Variants in MYH3 observed in about 807,000 individuals in gnomAD.
MYH3 encodes the protein myosin-3.
MYH3 carries 130 observed loss-of-function variants against 238.0 expected under a neutral mutation model. The observed-to-expected ratio is 0.55, with a 90% CI of 0.47 to 0.63. The LOEUF is 0.63. MYH3 is among the 30% of genes least tolerant of loss of function. The pLI, the probability that MYH3 is intolerant of heterozygous loss-of-function variation, is 0.00. For synonymous variants in MYH3, 880 were observed against 924.1 expected (o/e 0.95, Z 0.86); for missense variants, 1,853 against 2,374.9 (o/e 0.78, Z 4.57).
the MYH3 span, among the ~76,000 whole-genome samples, chr17:10,665,944 G>A: frequency 6.6e-6 from 1 of 152,174 alleles, no homozygotes; most frequent in African/African-American, 2.4e-5. Flanking sequence ...AGTCCAGAAG[G>A]AGGCCCGGAT....
In MYH3 at chr17:10,644,357, G is replaced by T. The variant is rs2074300278; in HGVS notation, c.1404C>A (p.Ile468=). The change falls in exon 14 of 41, where the codon ATC becomes ATA. Residue 468 remains isoleucine, a synonymous_variant. Transcript: ENST00000583535. ...GAATATAAGTAACACAAACCTCAAA[G>T]ATTTCAAAGCCTGCAATGTCCAAAA... ...IGVLDIAGFE[I]FEYNSLEQLC... is the part of the protein sequence containing the mutation. The T allele has an allele frequency of 1.2e-6, 2 of 1,613,982 alleles. No homozygotes were observed. Among genetic ancestry groups the T allele is most frequent in the Non-Finnish European group, 8.5e-7 (1 of 1,179,886 alleles).
chr17:10,657,546 G>A (rs1172526950), upstream of MYH3, among the ~76,000 whole-genome samples: 2 of 152,298 alleles, frequency 1.3e-5, no homozygotes. Flanking sequence ...CTTGGGGCCG[G>A]TGCTCCCTCC....
the MYH3 span, among the ~76,000 whole-genome samples, chr17:10,671,137 G>T: frequency 1.3e-5 from 2 of 152,160 alleles, no homozygotes; most frequent in Admixed American, 6.5e-5. Flanking sequence ...CAGGTGATCC[G>T]CCCGCCTTGG....
At chr17:10,664,412 A>C in the MYH3 span, among the ~76,000 whole-genome samples, 1 of 152,196 alleles carries the variant, frequency 6.6e-6, no homozygotes, top group Non-Finnish European at 1.5e-5. Flanking sequence ...GTTTGATGTC[A>C]GAGCCTTGCA....
At position 10,630,294 on chromosome 17, in the gene MYH3, C is replaced by T. The variant is rs759849430; in HGVS notation, c.5451G>A (p.Glu1817=). Residue 1817 remains glutamate, a synonymous_variant, in exon 37 of 41, where the codon GAG becomes GAA. Coordinates refer to ENST00000583535, the MANE Select transcript of MYH3 (RefSeq NM_002470.4). Reference sequence around the variant, plus strand: ...GGGTTCCTCCTGCACACACCCTGGTCTCCAGTTTCTGGATCTGCTTCTTCC... The same window carrying T: ...GGGTTCCTCCTGCACACACCCTGGTTTCCAGTTTCTGGATCTGCTTCTTCC... The part of the protein sequence containing the change: ...KGGKKQIQKL[E]TRIRELEFEL... The T allele has an allele frequency of 1.2e-6, 2 of 1,614,186 alleles. No homozygotes were observed. The highest frequency in any genetic ancestry group is 1.7e-6 in the Non-Finnish European group (2 of 1,180,042).
chr17:10,640,681 C>T lies in MYH3; in HGVS notation c.2171G>A (p.Arg724Gln). Residue 724 changes from arginine (R) to glutamine (Q), a missense_variant, in exon 20 of 41, where the codon CGA becomes CAA. By Grantham distance (43) the Arg-to-Gln change is conservative. Coordinates refer to ENST00000583535, the MANE Select transcript of MYH3 (RefSeq NM_002470.4). ...ILYGDFKQRY[R>Q]VLNASAIPEG... ...AGGGATTGCACTGGCATTCAGCACT[C>T]GGTATCTGCATTGTAGACATGGAAA... is the stretch of plus-strand genomic sequence containing the variant. The T allele has an allele frequency of 3.1e-6, 5 of 1,614,066 alleles. No homozygotes were observed. Among genetic ancestry groups the T allele is most frequent in the Non-Finnish European group, 3.4e-6 (4 of 1,179,984 alleles).
rs201488879 is a variant in MYH3 at position 10,632,622 on chromosome 17, C to T, written c.4810G>A (p.Ala1604Thr). 222 of 1,614,020 alleles carry T rather than the reference C, an allele frequency of 1.4e-4. No individual in the cohort carries two copies. Among genetic ancestry groups the T allele is most frequent in the Non-Finnish European group, 1.8e-4 (214 of 1,180,042 alleles). ...TVETMQSALDAEVRSRNEAIR... is the reference protein window; with the variant it reads ...TVETMQSALDTEVRSRNEAIR... ...GCTTCATTCCTGCTCCGCACCTCGG[C>T]GTCCAGGGCGCTCTGCATGGTTTCC... Residue 1604 changes from alanine (A) to threonine (T), a missense_variant, in exon 34 of 41, where the codon GCC becomes ACC. Transcript: ENST00000583535.
In MYH3 at chr17:10,645,807, T is replaced by A; in HGVS notation, c.1041A>T (p.Lys347Asn). ...IDILGFTPEE[K>N]SGLYKLTGAV... ...CTCCCGTCAGCTTGTAGAGCCCAGA[T>A]TTCTCTTCTGGGGTGAAGCCCAGGA... The change falls in exon 12 of 41, where the codon AAA (lysine) becomes AAT (asparagine). Residue 347 changes from lysine to asparagine, a missense_variant. Transcript: ENST00000583535. 6.2e-7 allele frequency: 1 copy of A among 1,613,802 alleles called. No homozygotes were observed. Among genetic ancestry groups the A allele is most frequent in the Non-Finnish European group, 8.5e-7 (1 of 1,179,970 alleles).
At chr17:10,633,073 A>T (rs1779505562) in intron 33 of MYH3, among the ~76,000 whole-genome samples, 1 of 152,082 alleles carries the variant, frequency 6.6e-6, no homozygotes, top group African/African-American at 2.4e-5. Flanking sequence ...TTAGCCAGGC[A>T]TGGTGGTGCC....
intron 2 of MYH3, among the ~76,000 whole-genome samples, chr17:10,655,520 A>G (rs1446627885): frequency 2.0e-5 from 3 of 152,206 alleles, no homozygotes; most frequent in Middle Eastern, 6.3e-3. Context: ...AACCATTTCA[A>G]TCAAGGTGGC....
intron 17 of MYH3, 98 bp from the exon 18 acceptor site, chr17:10,641,470 C>A (rs1597487329): frequency 4.8e-6 from 4 of 833,712 alleles, no homozygotes; most frequent in South Asian, 2.8e-5. Flanking sequence ...TAAAATTTAT[C>A]ATAAGTTCTA....
chr17:10,634,723 C>T (rs747750275), intron 31 of MYH3, 117 bp downstream of exon 31: 1 of 1,301,156 alleles, frequency 7.7e-7, no homozygotes, highest in Non-Finnish European at 1.1e-6. Flanking sequence ...AGGGACTTGC[C>T]CAAGGCCACA....
At position 10,636,177 on chromosome 17, in the gene MYH3, C is replaced by A. The variant is rs541230021; in HGVS notation, c.3857-324G>T. Among the ~76,000 whole-genome samples the A allele has an allele frequency of 2.0e-5, 3 of 149,608 alleles. No homozygotes were observed. In the South Asian group the frequency reaches 6.4e-4, roughly 32 times the overall value. On this transcript the variant is annotated intron_variant, in intron 28 of 40. Transcript: ENST00000583535. ...ATCTCTACTAAAAACAAAAATTAGC[C>A]GGGCGTGGTCATGGGCACCTGTAGT...
Position 10,635,015 on chromosome 17 carries a change from A to C in MYH3, c.4181T>G (p.Leu1394Arg). The C allele has an allele frequency of 6.2e-7, 1 of 1,614,078 alleles. No individual in the cohort carries two copies. The highest frequency in any genetic ancestry group is 8.5e-7 in the Non-Finnish European group (1 of 1,180,016). ...TEELEEAKKKLAQRLQDSEEQ... is the reference protein window; with the variant it reads ...TEELEEAKKKRAQRLQDSEEQ... ...CTCGGAATCTTGAAGGCGCTGAGCA[A>C]GTTTTTTCCTTAAAGAATATGAAAG... Residue 1394 changes from leucine (L) to arginine (R), a missense_variant, in exon 31 of 41, where the codon CTT (leucine) becomes CGT (arginine). Leu to Arg is a moderately radical substitution (Grantham distance 102). This residue lies in a region of MYH3 where 1,044 missense variants were observed against 1,192.6 expected (regional missense o/e 0.88). Transcript: ENST00000583535.
Position 10,634,174 on chromosome 17 carries a change from T to C in MYH3, c.4365A>G (p.Ala1455=). ...KKQRNFDKVL[A]EWKTKCEESQ... ...TCTCCTCACACTTTGTCTTCCACTC[T>C]GCCAACACCTGAAACACCGGACGGA... is the stretch of plus-strand genomic sequence containing the variant. The change falls in exon 32 of 41, where the codon GCA becomes GCG. Residue 1455 remains alanine, a synonymous_variant. Coordinates refer to ENST00000583535, the MANE Select transcript of MYH3 (RefSeq NM_002470.4). The C allele has an allele frequency of 6.2e-7, 1 of 1,614,238 alleles. No individual in the cohort carries two copies.
Position 10,639,091 on chromosome 17 carries a change from T to C in MYH3, c.3201A>G (p.Ile1067Met), listed in dbSNP as rs200537879. ...GTTGCTTGTCATTCTCCAGATCTAATATGGACTCTTGAGCAAGCTTCAAGT... is the reference window on the plus strand; with the variant it reads ...GTTGCTTGTCATTCTCCAGATCTAACATGGACTCTTGAGCAAGCTTCAAGT... Reference protein sequence around the residue: ...EGDLKLAQESILDLENDKQQL... With the variant: ...EGDLKLAQESMLDLENDKQQL... Residue 1067 changes from isoleucine (I) to methionine (M), a missense_variant, in exon 25 of 41, where the codon ATA (isoleucine) becomes ATG (methionine). By Grantham distance (10) the Ile-to-Met change is conservative (BLOSUM62 1). Transcript: ENST00000583535. The C allele has an allele frequency of 6.2e-7, 1 of 1,614,218 alleles. No homozygotes were observed. The highest frequency in any genetic ancestry group is 1.3e-5 in the African/African-American group (1 of 75,070).
the MYH3 span, among the ~76,000 whole-genome samples, chr17:10,666,903 T>C: frequency 1.3e-5 from 2 of 152,180 alleles, no homozygotes; most frequent in Non-Finnish European, 2.9e-5. Flanking sequence ...ACCCTGCAGA[T>C]AGCAACAAAT....
In MYH3 at chr17:10,644,393, G is replaced by GTGT. The variant is rs780736655; in HGVS notation, c.1365_1367dup (p.Gln455dup). 5 of 1,613,996 alleles carry GTGT rather than the reference G, an allele frequency of 3.1e-6. No individual in the cohort carries two copies. The African/African-American group carries it at 6.7e-5, about 22-fold the overall frequency. On this transcript the variant is annotated inframe_insertion, in exon 14 of 41. Transcript: ENST00000583535. ...CTGCAATGTCCAAAACACCAATGAA[G>GTGT]TGTTGTCTTGGAAGCTTCGTATCCA...
chr17:10,632,559 C>T lies in MYH3; in HGVS notation c.4873G>A (p.Glu1625Lys), dbSNP rs895203679. 1.2e-6 allele frequency: 2 copies of T among 1,614,224 alleles called. No individual in the cohort carries two copies. Among genetic ancestry groups the T allele is most frequent in the African/African-American group, 2.7e-5 (2 of 75,072 alleles). Residue 1625 changes from glutamate (E) to lysine (K), a missense_variant, in exon 34 of 41, where the codon GAA (glutamate) becomes AAA (lysine). By Grantham distance (56) the Glu-to-Lys change is moderately conservative (BLOSUM62 1). This residue lies in a region of MYH3 where 1,044 missense variants were observed against 1,192.6 expected (regional missense o/e 0.88). Coordinates refer to ENST00000583535, the MANE Select transcript of MYH3 (RefSeq NM_002470.4). The stretch of plus-strand genomic sequence containing the variant: ...GCGTGGCTCAGCTGGATCTCGATTT[C>T]ATTCAGGTCCCCCTCCATCTTCTTC... ...LKKKMEGDLN[E>K]IEIQLSHANR...
Sources: allele counts gnomAD v4.1 joint callset (sites outside exome capture counted in the v4.1 genomes callset), GRCh38; gene constraint gnomAD v4.1.1; regional missense constraint gnomAD v4.1.1; transcripts MANE v1.5; gene names NCBI Gene and HGNC (gene_info 2026-07-23, HGNC 2026-07-21).